Variants in PTK2B observed in about 807,000 individuals in gnomAD.
PTK2B encodes protein-tyrosine kinase 2-beta.
In PTK2B, 71 loss-of-function variants were observed where a neutral mutation model predicts 142.9. That is an observed-to-expected ratio of 0.50 (90% CI 0.41 to 0.61). PTK2B has a LOEUF of 0.61. PTK2B is among the 20% of genes least tolerant of loss of function. PTK2B has a pLI of 0.00. For missense variants in PTK2B, 1,105 were observed against 1,320.4 expected, an observed-to-expected ratio of 0.84 and a Z score of 2.53; for synonymous variants, 519 against 503.4, an observed-to-expected ratio of 1.03 and a Z score of -0.42.
chr8:27,449,991 C>G (rs564798889), intron 24 of PTK2B, among the ~76,000 whole-genome samples: 71 of 152,178 alleles, frequency 4.7e-4, no homozygotes, highest in Non-Finnish European at 9.7e-4. Context: ...TTAAATAACT[C>G]AAGCTATGAT....
At chr8:27,321,279 A>G (rs1374933393), upstream of PTK2B, among the ~76,000 whole-genome samples, 2 of 152,070 alleles carry the variant, frequency 1.3e-5, no homozygotes, top group Non-Finnish European at 2.9e-5. Flanking sequence ...TATAGGCATG[A>G]GCCACCATGC....
intron 2 of PTK2B, among the ~76,000 whole-genome samples, chr8:27,402,217 A>G (rs1249463305): frequency 6.6e-6 from 1 of 152,026 alleles, no homozygotes; most frequent in Non-Finnish European, 1.5e-5. Flanking sequence ...GGCTTTTGTA[A>G]TGACAGGAGA....
chr8:27,451,833 G>T (rs1019438337), intron 27 of PTK2B: 2 of 1,145,068 alleles, frequency 1.7e-6, no homozygotes, highest in South Asian at 4.5e-5. Context: ...GGAAGCTCCC[G>T]TGGGAAAAGT....
intron 30 of PTK2B, among the ~76,000 whole-genome samples, chr8:27,455,001 T>G (rs1371760496): frequency 6.6e-6 from 1 of 152,210 alleles, no homozygotes; most frequent in Non-Finnish European, 1.5e-5. Context: ...TTTTCTTTAT[T>G]TAAATAAGAA....
At chr8:27,433,355 T>C (rs1221296757) in intron 10 of PTK2B, 80 bp from the exon 11 acceptor site, 2 of 1,252,226 alleles carry the variant, frequency 1.6e-6, no homozygotes, top group South Asian at 2.6e-5. Flanking sequence ...GCAGGGGTCC[T>C]GCCATCTCTT....
intron 1 of PTK2B, among the ~76,000 whole-genome samples, chr8:27,338,871 T>C (rs1203352739): frequency 1.3e-5 from 2 of 152,168 alleles, no homozygotes; most frequent in African/African-American, 4.8e-5. Flanking sequence ...GAATGGACAA[T>C]GGACTCATGA....
intron 1 of PTK2B, among the ~76,000 whole-genome samples, chr8:27,392,261 A>G (rs1807771582): frequency 6.6e-6 from 1 of 151,578 alleles, no homozygotes; most frequent in African/African-American, 2.4e-5. Flanking sequence ...AAGGTCAGTC[A>G]TGGTGGGAAT....
At position 27,363,808 on chromosome 8, in the gene PTK2B, ATG is replaced by A; in HGVS notation, c.-37-33737_-37-33736del. 2.0e-5 allele frequency among the ~76,000 whole-genome samples: 3 copies of A among 152,266 alleles called. 1 individual carries two copies. The highest frequency in any genetic ancestry group is 4.4e-5 in the Non-Finnish European group (3 of 68,004). ...CACTTGGCGTTCCTGGGACATGTTC[ATG>A]TGAATTCTCACCGGTGGCTTCACCC... On this transcript the variant is annotated intron_variant, in intron 1 of 30. Transcript: ENST00000346049. The surrounding 1 kb of genome is among the most constrained non-coding windows in gnomAD (Gnocchi z 4.3).
intron 18 of PTK2B, among the ~76,000 whole-genome samples, chr8:27,438,488 T>C (rs1472597565): frequency 7.7e-4 from 4 of 5,166 alleles, no homozygotes; most frequent in African/African-American, 6.2e-3. Context: ...GAAGCTCTCA[T>C]GCGATCCTGG....
chr8:27,388,670 A>G (rs1054696294), intron 1 of PTK2B, among the ~76,000 whole-genome samples: 2 of 152,154 alleles, frequency 1.3e-5, no homozygotes, highest in African/African-American at 4.8e-5. Flanking sequence ...CTCCCCTTTC[A>G]GTGCCATCAT....
chr8:27,359,426 A>T (rs1478947477), intron 1 of PTK2B, among the ~76,000 whole-genome samples: 1 of 152,194 alleles, frequency 6.6e-6, no homozygotes, highest in East Asian at 1.9e-4. Context: ...TTGCAAATAT[A>T]CTTTTTATTG....
intron 1 of PTK2B, among the ~76,000 whole-genome samples, chr8:27,367,715 G>A (rs1474318856): frequency 6.6e-6 from 1 of 152,214 alleles, no homozygotes; most frequent in East Asian, 1.9e-4. Flanking sequence ...GCCTCAGGAA[G>A]CTTCCAATCA....
intron 1 of PTK2B, among the ~76,000 whole-genome samples, chr8:27,354,987 C>T (rs553491765): frequency 2.6e-5 from 4 of 152,240 alleles, no homozygotes; most frequent in African/African-American, 9.6e-5. Context: ...GATGTTCTTA[C>T]AGTAAACGAC....
At position 27,433,890 on chromosome 8, in the gene PTK2B, A is replaced by C. The variant is rs553283925; in HGVS notation, c.1106-203A>C. ...TTCAGGAAGCAGGGGTCACAGCTGGAGCACGTGAAATCTGGCCTGAGGCAG... is the reference window on the plus strand; with the variant it reads ...TTCAGGAAGCAGGGGTCACAGCTGGCGCACGTGAAATCTGGCCTGAGGCAG... On this transcript the variant is annotated intron_variant, in intron 11 of 30. Transcript: ENST00000346049. Among the ~76,000 whole-genome samples the C allele has an allele frequency of 7.2e-4, 109 of 152,344 alleles. 1 individual carries two copies. The highest frequency in any genetic ancestry group is 1.4e-3 in the Admixed American group (21 of 15,298).
intron 1 of PTK2B, among the ~76,000 whole-genome samples, chr8:27,333,989 C>G (rs1289400894): frequency 6.6e-6 from 1 of 152,104 alleles, no homozygotes; most frequent in Admixed American, 6.6e-5. Flanking sequence ...CCTGGCTTCT[C>G]TCCTCTTCAT....
chr8:27,452,626 G>T (rs1338196191), intron 27 of PTK2B: 1 of 156,316 alleles, frequency 6.4e-6, no homozygotes, highest in African/African-American at 2.4e-5. Flanking sequence ...TCTTCAAAGT[G>T]GGAGTGAATA....
At chr8:27,431,518 C>G (rs376140836) in intron 9 of PTK2B, 46 bp downstream of exon 9, 9 of 1,608,922 alleles carry the variant, frequency 5.6e-6, no homozygotes, top group Non-Finnish European at 5.9e-6. Context: ...GCGGGGAGGT[C>G]GTCCCCTCTC....
intron 10 of PTK2B, among the ~76,000 whole-genome samples, chr8:27,432,723 T>C (rs1810514437): frequency 1.3e-5 from 2 of 151,718 alleles, no homozygotes; most frequent in South Asian, 4.2e-4. Context: ...TGTTTGTTTG[T>C]TTGTTTGTTT....
At chr8:27,365,100 G>T (rs753462825) in intron 1 of PTK2B, among the ~76,000 whole-genome samples, 1 of 152,190 alleles carries the variant, frequency 6.6e-6, no homozygotes, top group Non-Finnish European at 1.5e-5. Context: ...CAGCCTGGAA[G>T]GTCCAACTCA....
Sources: allele counts gnomAD v4.1 joint callset (sites outside exome capture counted in the v4.1 genomes callset), GRCh38; gene constraint gnomAD v4.1.1; non-coding constraint Gnocchi (gnomAD v3.1); transcripts MANE v1.5; gene names NCBI Gene and HGNC (gene_info 2026-07-23, HGNC 2026-07-21).